The following LOC128706665 variants were observed in gnomAD, a reference collection of about 807,000 sequenced individuals.
At chr20:10,416,943 G>T in the LOC128706665 span, among the ~76,000 whole-genome samples, 1 of 152,126 alleles carries the variant, frequency 6.6e-6, no homozygotes, top group African/African-American at 2.4e-5. Context: ...TATATGATCT[G>T]CAAAGCCTAA....
At chr20:10,423,606 T>A in the LOC128706665 span, among the ~76,000 whole-genome samples, 1 of 152,210 alleles carries the variant, frequency 6.6e-6, no homozygotes, top group African/African-American at 2.4e-5. Flanking sequence ...TGACATAGTA[T>A]GAACCCTCTT....
the LOC128706665 span, among the ~76,000 whole-genome samples, chr20:10,419,928 A>G: frequency 6.6e-6 from 1 of 152,214 alleles, no homozygotes; most frequent in Admixed American, 6.5e-5. Context: ...CAAACTGCGG[A>G]TAAAGGGAGA....
the LOC128706665 span, among the ~76,000 whole-genome samples, chr20:10,421,408 C>A: frequency 7.4e-6 from 1 of 135,730 alleles, no homozygotes; most frequent in Admixed American, 7.4e-5. Context: ...CAGAATGAGA[C>A]TCCATCACAA....
chr20:10,430,423 TTGTC>T, the LOC128706665 span, among the ~76,000 whole-genome samples: 72,388 of 151,608 alleles, frequency 0.48, 18,091 homozygotes, highest in Non-Finnish European at 0.56. Context: ...ACTTGGCACT[TTGTC>T]TGGGCTCAGT....
chr20:10,428,207 T>G, the LOC128706665 span, among the ~76,000 whole-genome samples: 1 of 152,204 alleles, frequency 6.6e-6, no homozygotes, highest in Non-Finnish European at 1.5e-5. Context: ...TAGAGTTGTC[T>G]GAGAATCCTG....
chr20:10,427,010 G>T, the LOC128706665 span, among the ~76,000 whole-genome samples: 1 of 114,776 alleles, frequency 8.7e-6, no homozygotes, highest in East Asian at 2.5e-4. Context: ...TAGCTTAAAG[G>T]CCAAGAAAAG....
the LOC128706665 span, among the ~76,000 whole-genome samples, chr20:10,433,500 A>G: frequency 2.0e-5 from 3 of 152,214 alleles, no homozygotes; most frequent in African/African-American, 4.8e-5. Flanking sequence ...TGAAGATGTT[A>G]ATGAATGAAT....
At chr20:10,415,453 T>C in the LOC128706665 span, among the ~76,000 whole-genome samples, 21,925 of 152,166 alleles carry the variant, frequency 0.14, 1,778 homozygotes, top group East Asian at 0.24. Flanking sequence ...GCTGTAACCA[T>C]GGCAACTGGG....
the LOC128706665 span, among the ~76,000 whole-genome samples, chr20:10,422,813 G>A: frequency 1.4e-4 from 21 of 151,412 alleles, no homozygotes; most frequent in South Asian, 3.8e-3. Context: ...CCAGGTTCAC[G>A]CCATTCTCCT....
At chr20:10,432,450 G>C in the LOC128706665 span, among the ~76,000 whole-genome samples, 1 of 152,118 alleles carries the variant, frequency 6.6e-6, no homozygotes, top group Non-Finnish European at 1.5e-5. Context: ...ATTGCATCCA[G>C]GACCCATGAT....
chr20:10,423,554 T>C, the LOC128706665 span, among the ~76,000 whole-genome samples: 1 of 152,166 alleles, frequency 6.6e-6, no homozygotes, highest in Non-Finnish European at 1.5e-5. Context: ...TTTGGGGAAG[T>C]GTTGTACTAT....
chr20:10,421,269 A>AAAGTAT, the LOC128706665 span, among the ~76,000 whole-genome samples: 21,652 of 151,964 alleles, frequency 0.14, 1,720 homozygotes, highest in East Asian at 0.24. Flanking sequence ...GTTTCTACTA[A>AAAGTAT]AAGTATTAGT....
At chr20:10,427,389 A>C in the LOC128706665 span, among the ~76,000 whole-genome samples, 1 of 152,192 alleles carries the variant, frequency 6.6e-6, no homozygotes, top group East Asian at 1.9e-4. Flanking sequence ...CTTCCACTGA[A>C]TGTAATTTAA....
the LOC128706665 span, among the ~76,000 whole-genome samples, chr20:10,415,752 C>T: frequency 6.6e-6 from 1 of 152,192 alleles, no homozygotes; most frequent in Non-Finnish European, 1.5e-5. Flanking sequence ...AGAACATTTT[C>T]AATACTTAAT....
At chr20:10,429,188 C>T in the LOC128706665 span, among the ~76,000 whole-genome samples, 1 of 152,150 alleles carries the variant, frequency 6.6e-6, no homozygotes, top group Non-Finnish European at 1.5e-5. Flanking sequence ...TTTCATTCTC[C>T]ATGGAAAGTG....
At chr20:10,414,162 G>C in the LOC128706665 span, among the ~76,000 whole-genome samples, 2 of 151,860 alleles carry the variant, frequency 1.3e-5, no homozygotes, top group South Asian at 4.2e-4. Context: ...ATTCTGTAAG[G>C]CACAACAACA....
chr20:10,424,521 C>T, the LOC128706665 span, among the ~76,000 whole-genome samples: 241 of 152,162 alleles, frequency 1.6e-3, 1 homozygote, highest in Middle Eastern at 0.014. Context: ...ATAACCTCTT[C>T]TCAGGGCAAG....
chr20:10,415,802 C>T, the LOC128706665 span, among the ~76,000 whole-genome samples: 1 of 152,204 alleles, frequency 6.6e-6, no homozygotes, highest in East Asian at 1.9e-4. Flanking sequence ...GCCATGTTGG[C>T]ACCTCTGTCA....
At chr20:10,433,931 G>A in the LOC128706665 span, among the ~76,000 whole-genome samples, 5 of 152,192 alleles carry the variant, frequency 3.3e-5, no homozygotes, top group African/African-American at 1.2e-4. Context: ...TATTTCAGAG[G>A]TCGGTCTTTC....
Sources: allele counts gnomAD v4.1 joint callset (sites outside exome capture counted in the v4.1 genomes callset), GRCh38; gene constraint gnomAD v4.1.1; transcripts MANE v1.5.